Variants in PIK3C3 observed in about 807,000 individuals in gnomAD.
PIK3C3 encodes the protein PI3-kinase type 3.
Under a neutral mutation model 126.1 loss-of-function variants are expected in PIK3C3, and 95 were observed. That is an observed-to-expected ratio of 0.75 (90% CI 0.64 to 0.89). The LOEUF (loss-of-function observed/expected upper bound fraction) is 0.89, where lower values mean the gene tolerates loss of function less well. Ranked by LOEUF, PIK3C3 falls within the 40% of genes least tolerant of loss-of-function variation. The pLI is 0.00. For synonymous variants in PIK3C3, 374 were observed against 360.0 expected (o/e 1.04, Z -0.44); for missense variants, 829 against 1,063.2 (o/e 0.78, Z 3.06).
chr18:41,967,347 G>A (rs1389349148), intron 3 of PIK3C3, among the ~76,000 whole-genome samples: 1 of 152,146 alleles, frequency 6.6e-6, no homozygotes, highest in African/African-American at 2.4e-5. Context: ...CAAAAACCAT[G>A]CCATGTGCCA....
chr18:42,014,207 C>CAAAAAAAA (rs58086258), intron 11 of PIK3C3, among the ~76,000 whole-genome samples: 7 of 40,986 alleles, frequency 1.7e-4, no homozygotes, highest in African/African-American at 2.7e-4. Context: ...GACTCCGTCT[C>CAAAAAAAA]AAAAAAAAAA....
At chr18:42,070,918 T>C (rs1026216829) in intron 24 of PIK3C3, among the ~76,000 whole-genome samples, 4 of 152,184 alleles carry the variant, frequency 2.6e-5, no homozygotes, top group African/African-American at 9.7e-5. Context: ...TAGGGAGGGA[T>C]CATTTTATAC....
At chr18:41,995,159 A>C (rs979367395) in intron 7 of PIK3C3, among the ~76,000 whole-genome samples, 15 of 152,174 alleles carry the variant, frequency 9.9e-5, no homozygotes, top group African/African-American at 3.6e-4. Context: ...TAAAAATTAC[A>C]TGGCTGAAGA....
chr18:42,068,775 C>T (rs1371611547), intron 24 of PIK3C3, among the ~76,000 whole-genome samples: 1 of 151,662 alleles, frequency 6.6e-6, no homozygotes, highest in East Asian at 1.9e-4. Flanking sequence ...ACAGTGAAAC[C>T]CTGTCTCTAC....
chr18:42,071,985 A>G (rs771128967), intron 24 of PIK3C3, among the ~76,000 whole-genome samples: 34 of 152,180 alleles, frequency 2.2e-4, no homozygotes, highest in Admixed American at 9.8e-4. Context: ...GCTTCATACA[A>G]ATCTTTTCAA....
chr18:41,961,496 A>G (rs75122625), intron 2 of PIK3C3, among the ~76,000 whole-genome samples: 1,651 of 152,190 alleles, frequency 0.011, 29 homozygotes, highest in African/African-American at 0.038. Flanking sequence ...ATTGATAGCC[A>G]TCTCTAATTT....
At chr18:42,058,483 A>C (rs1048468297) in intron 22 of PIK3C3, among the ~76,000 whole-genome samples, 4 of 152,190 alleles carry the variant, frequency 2.6e-5, no homozygotes, top group Non-Finnish European at 4.4e-5. Context: ...TTTATCAAAG[A>C]ATATAGGATA....
chr18:41,955,617 C>T (rs1009963530), intron 1 of PIK3C3, among the ~76,000 whole-genome samples: 1 of 152,180 alleles, frequency 6.6e-6, no homozygotes, highest in Non-Finnish European at 1.5e-5. Context: ...ATTTTACAGT[C>T]TTTAAAGTTT....
At chr18:42,058,113 G>T (rs1985155632) in intron 22 of PIK3C3, 62 bp downstream of exon 22, 6 of 1,408,638 alleles carry the variant, frequency 4.3e-6, no homozygotes, top group Middle Eastern at 1.9e-4. Flanking sequence ...TAGAACAAGA[G>T]AATTTGTTTA....
intron 4 of PIK3C3, among the ~76,000 whole-genome samples, chr18:41,974,282 T>C (rs1980810034): frequency 6.6e-6 from 1 of 152,194 alleles, no homozygotes; most frequent in African/African-American, 2.4e-5. Flanking sequence ...TGAATTCTAA[T>C]TACAGTATGA....
chr18:41,979,436 A>G (rs1259782534), intron 4 of PIK3C3, among the ~76,000 whole-genome samples: 1 of 152,116 alleles, frequency 6.6e-6, no homozygotes, highest in African/African-American at 2.4e-5. Flanking sequence ...AATGTTTTGG[A>G]TTTTAGAGAT....
intron 20 of PIK3C3, among the ~76,000 whole-genome samples, chr18:42,048,644 G>C (rs921371015): frequency 6.6e-6 from 1 of 152,124 alleles, no homozygotes; most frequent in Non-Finnish European, 1.5e-5. Context: ...CAATAATTAT[G>C]CCATTGCTTA....
At chr18:42,009,571 T>C (rs1276689956) in intron 10 of PIK3C3, among the ~76,000 whole-genome samples, 1 of 152,146 alleles carries the variant, frequency 6.6e-6, no homozygotes, top group African/African-American at 2.4e-5. Flanking sequence ...AATTATACTG[T>C]AGTCTAAGTA....
At chr18:41,970,916 A>G (rs1409420953) in intron 4 of PIK3C3, 1 of 179,622 alleles carries the variant, frequency 5.6e-6, no homozygotes, top group Non-Finnish European at 1.2e-5. Context: ...ATGACCACCC[A>G]CTTTTTCTGG....
At chr18:42,008,575 C>T (rs1002061764) in intron 10 of PIK3C3, among the ~76,000 whole-genome samples, 1 of 151,892 alleles carries the variant, frequency 6.6e-6, no homozygotes, top group African/African-American at 2.4e-5. Context: ...CACTTTGAAG[C>T]ATTAGAATTA....
Position 42,006,860 on chromosome 18 carries a change from CTTTTTTTTTTTT to C in PIK3C3, c.1170+2329_1170+2340del, listed in dbSNP as rs71265065. Among the ~76,000 whole-genome samples, 4 of 102,298 alleles carry C rather than the reference CTTTTTTTTTTTT, an allele frequency of 3.9e-5. No individual in the cohort carries two copies. In the South Asian group the frequency reaches 1.1e-3, roughly 28 times the overall value. The allele number at this position is 102,298 out of a possible 152,430, so 67.1% of individuals were successfully genotyped here. ...GTGGGTATGTTTTAAAAATCATATTCTTTTTTTTTTTTTTTTTTTTTGAGATGGAGTCTTGCT... is the reference window on the plus strand; with the variant it reads ...GTGGGTATGTTTTAAAAATCATATTCTTTTTTTTTGAGATGGAGTCTTGCT... On this transcript the variant is annotated intron_variant, in intron 10 of 24. Coordinates refer to ENST00000262039, the MANE Select transcript of PIK3C3 (RefSeq NM_002647.4).
intron 3 of PIK3C3, among the ~76,000 whole-genome samples, chr18:41,964,743 C>G (rs1048548249): frequency 3.9e-5 from 6 of 151,970 alleles, no homozygotes; most frequent in Admixed American, 1.3e-4. Flanking sequence ...GTTAGAAAAT[C>G]TTACTGAATT....
At position 41,962,389 on chromosome 18, in the gene PIK3C3, G is replaced by GACC. The variant is rs1980133728; in HGVS notation, c.258-99_258-98insCCA. On this transcript the variant is annotated intron_variant, in intron 2 of 24. Coordinates refer to ENST00000262039, the MANE Select transcript of PIK3C3 (RefSeq NM_002647.4). ...TTTTTAGAGTCTAACAACATTTTTG[G>GACC]AACCTTTTCCTCTGGCCAAAACTTT... 4.2e-6 allele frequency: 4 copies of GACC among 948,516 alleles called. No homozygotes were observed. In the East Asian group the frequency reaches 9.2e-5, roughly 22 times the overall value. 58.8% of individuals were successfully genotyped at this position (948,516 alleles called of 1,614,324 possible).
At chr18:42,018,230 T>A in intron 12 of PIK3C3, among the ~76,000 whole-genome samples, 1 of 152,064 alleles carries the variant, frequency 6.6e-6, no homozygotes. Context: ...TAAATTGTTT[T>A]AAAACCTTAA....
Sources: allele counts gnomAD v4.1 joint callset (sites outside exome capture counted in the v4.1 genomes callset), GRCh38; gene constraint gnomAD v4.1.1; transcripts MANE v1.5; gene names NCBI Gene and HGNC (gene_info 2026-07-23, HGNC 2026-07-21).